BTBD10: variants seen among roughly 807,000 people sequenced by gnomAD.
BTBD10 encodes BTB domain containing 10.
Under a neutral mutation model 53.2 loss-of-function variants are expected in BTBD10, and 21 were observed. The observed-to-expected ratio is 0.39, with a 90% CI of 0.28 to 0.57. The LOEUF is 0.57. BTBD10 is among the 20% of genes least tolerant of loss of function. The pLI is 0.53. For missense variants in BTBD10, 360 were observed against 594.7 expected (o/e 0.61, Z 4.10); for synonymous variants, 149 against 192.7 (o/e 0.77, Z 1.88).
intron 8 of BTBD10, among the ~76,000 whole-genome samples, chr11:13,396,019 C>T (rs541034686): frequency 1.1e-4 from 16 of 151,898 alleles, no homozygotes; most frequent in South Asian, 8.3e-4. Context: ...CTTGGCAATG[C>T]GGGCTCTTTT....
intron 1 of BTBD10, among the ~76,000 whole-genome samples, chr11:13,446,473 TA>T (rs1950751173): frequency 6.6e-6 from 1 of 152,148 alleles, no homozygotes; most frequent in African/African-American, 2.4e-5. Flanking sequence ...ACCTTCTTTC[TA>T]AAAACAGCTG....
At chr11:13,390,458 C>T (rs889767954) in intron 8 of BTBD10, among the ~76,000 whole-genome samples, 4 of 152,058 alleles carry the variant, frequency 2.6e-5, no homozygotes, top group Non-Finnish European at 5.9e-5. Context: ...ATTCTCCTGC[C>T]TCAGCCTCTC....
chr11:13,449,491 A>AG (rs1416420348), intron 1 of BTBD10, among the ~76,000 whole-genome samples: 4 of 152,112 alleles, frequency 2.6e-5, no homozygotes, highest in South Asian at 2.1e-4. Flanking sequence ...AAGAGTTTAA[A>AG]GGGAAAAAAA....
At chr11:13,444,010 C>A (rs1325813695) in intron 2 of BTBD10, among the ~76,000 whole-genome samples, 1 of 152,046 alleles carries the variant, frequency 6.6e-6, no homozygotes, top group East Asian at 1.9e-4. Context: ...ACCAAAAAAA[C>A]ACTCATACAA....
chr11:13,397,981 A>G (rs1163636675), intron 8 of BTBD10, among the ~76,000 whole-genome samples: 1 of 152,140 alleles, frequency 6.6e-6, no homozygotes, highest in East Asian at 1.9e-4. Flanking sequence ...CAATTTTGGA[A>G]TAGGTGTGGT....
In BTBD10 at chr11:13,403,297, A is replaced by T. The variant is rs1452870855; in HGVS notation, c.1007-19T>A. On this transcript the variant is annotated intron_variant, in intron 7 of 8. Transcript: ENST00000278174. ...TAAATAACTAGAAACAAAAAGAAAA[A>T]TATTATTGTATTAAAATTAAAGGAT... 4.0e-6 allele frequency: 5 copies of T among 1,242,692 alleles called. No homozygotes were observed. The highest frequency in any genetic ancestry group is 1.6e-5 in the African/African-American group (1 of 63,422). 77.0% of individuals were successfully genotyped at this position (1,242,692 alleles called of 1,614,324 possible).
At chr11:13,459,533 T>G (rs1428038322) in intron 1 of BTBD10, 1 of 152,200 alleles carries the variant, frequency 6.6e-6, no homozygotes, top group Non-Finnish European at 1.5e-5. Context: ...AGGTAACATC[T>G]GTATCTTCCT....
At chr11:13,390,352 CTT>C (rs745356409) in intron 8 of BTBD10, among the ~76,000 whole-genome samples, 1 of 144,562 alleles carries the variant, frequency 6.9e-6, no homozygotes. Context: ...GTATGTTTTT[CTT>C]TTTTTTTTTT....
At chr11:13,422,793 T>C (rs529555235) in intron 2 of BTBD10, among the ~76,000 whole-genome samples, 1 of 152,214 alleles carries the variant, frequency 6.6e-6, no homozygotes, top group Non-Finnish European at 1.5e-5. Context: ...GAATGCTGAT[T>C]AAAACAGTCC....
intron 1 of BTBD10, among the ~76,000 whole-genome samples, chr11:13,447,181 T>C (rs1404944678): frequency 4.6e-5 from 7 of 152,132 alleles, no homozygotes; most frequent in Admixed American, 1.3e-4. Flanking sequence ...TTTCTCTCTT[T>C]CTTTGAACTC....
At chr11:13,436,116 C>T (rs997531542) in intron 2 of BTBD10, among the ~76,000 whole-genome samples, 3 of 152,174 alleles carry the variant, frequency 2.0e-5, no homozygotes, top group African/African-American at 7.2e-5. Flanking sequence ...TCTTCATCTA[C>T]AAAGTGTCCT....
intron 1 of BTBD10, among the ~76,000 whole-genome samples, chr11:13,448,842 T>C (rs1034848047): frequency 6.6e-6 from 1 of 152,210 alleles, no homozygotes; most frequent in African/African-American, 2.4e-5. Flanking sequence ...CCAGAAAAAC[T>C]AAAGTTTATT....
At chr11:13,440,501 T>G (rs1385415648) in intron 2 of BTBD10, among the ~76,000 whole-genome samples, 1 of 152,206 alleles carries the variant, frequency 6.6e-6, no homozygotes, top group Non-Finnish European at 1.5e-5. Context: ...GTGTATCCAT[T>G]CTGGGCAGTA....
intron 2 of BTBD10, 102 bp downstream of exon 2, chr11:13,444,922 C>T (rs1950725359): frequency 1.4e-6 from 1 of 728,236 alleles, no homozygotes; most frequent in Non-Finnish European, 2.2e-6. Context: ...GTAAAACAGC[C>T]CCCATTCTCT....
In BTBD10 at chr11:13,399,023, GGAGT is replaced by G. The variant is rs562151516; in HGVS notation, c.1117+4141_1117+4144del. 8.3e-4 allele frequency among the ~76,000 whole-genome samples: 127 copies of G among 152,218 alleles called. 1 individual carries two copies. The highest frequency in any genetic ancestry group is 7.5e-3 in the East Asian group (39 of 5,178). The stretch of plus-strand genomic sequence containing the variant: ...GGTGAATCTGACAATTACGTGTCTT[GGAGT>G]TAGTTGCTCTTCTCGAGGAGTATCT... On this transcript the variant is annotated intron_variant, in intron 8 of 8. Transcript: ENST00000278174.
intron 2 of BTBD10, among the ~76,000 whole-genome samples, chr11:13,422,527 A>C (rs1156579162): frequency 6.6e-6 from 1 of 152,136 alleles, no homozygotes; most frequent in Non-Finnish European, 1.5e-5. Context: ...ACACACCTAT[A>C]ATCCCAGCTA....
intron 1 of BTBD10, among the ~76,000 whole-genome samples, chr11:13,460,829 T>C (rs1021656691): frequency 9.9e-5 from 15 of 152,226 alleles, no homozygotes; most frequent in African/African-American, 2.9e-4. Context: ...AATCCTGAAA[T>C]GGACTGTAGA....
chr11:13,441,123 T>G (rs996417776), intron 2 of BTBD10, among the ~76,000 whole-genome samples: 1 of 152,114 alleles, frequency 6.6e-6, no homozygotes, highest in Admixed American at 6.5e-5. Flanking sequence ...TTAAACTAAT[T>G]TTAAACCAAT....
At chr11:13,423,245 C>G (rs1395689831) in intron 2 of BTBD10, among the ~76,000 whole-genome samples, 2 of 152,072 alleles carry the variant, frequency 1.3e-5, no homozygotes, top group East Asian at 3.9e-4. Flanking sequence ...TATTAAAGTT[C>G]TTTTTAGAAA....
Sources: gnomAD v4.1 joint callset for allele counts (sites outside exome capture counted in the v4.1 genomes callset) on GRCh38, gnomAD v4.1.1 for gene constraint, MANE v1.5 for transcripts, NCBI Gene and HGNC (gene_info 2026-07-23, HGNC 2026-07-21) for gene names.